CHP1: variants seen among roughly 807,000 people sequenced by gnomAD.
CHP1 encodes the protein calcineurin B homologous protein 1.
In CHP1, 11 loss-of-function variants were observed where a neutral mutation model predicts 27.4. The observed-to-expected ratio is 0.40, with a 90% CI of 0.25 to 0.67. CHP1 has a LOEUF of 0.67. Ranked by LOEUF, CHP1 falls within the 30% of genes least tolerant of loss-of-function variation. The pLI is 0.38. For synonymous variants in CHP1, 89 were observed against 87.4 expected (o/e 1.02, Z -0.10); for missense variants, 169 against 251.3 (o/e 0.67, Z 2.22).
intron 2 of CHP1, 88 bp from the exon 3 acceptor site, chr15:41,256,822 G>T: frequency 9.8e-7 from 1 of 1,020,090 alleles, no homozygotes; most frequent in Non-Finnish European, 1.6e-6. Flanking sequence ...TAATATTCTT[G>T]CTAGGTTACA....
intron 1 of CHP1, among the ~76,000 whole-genome samples, chr15:41,232,414 T>A (rs979729665): frequency 1.3e-5 from 2 of 152,154 alleles, no homozygotes; most frequent in East Asian, 3.9e-4. Flanking sequence ...TTTCACTATG[T>A]TGGCCCGGCT....
Position 41,245,942 on chromosome 15 carries a change from A to G in CHP1, c.140+2203A>G, listed in dbSNP as rs189825785. Among the ~76,000 whole-genome samples, 595 of 152,234 alleles carry G rather than the reference A, an allele frequency of 3.9e-3. 4 individuals are homozygous for G. Among genetic ancestry groups the G allele is most frequent in the South Asian group, 0.022 (108 of 4,824 alleles). On this transcript the variant is annotated intron_variant, in intron 2 of 6. Transcript: ENST00000334660. ...TAAGGGCTTTATGGTTTTAGTTCTTATATTAAGGTCTTTTGATTTATTTTG... is the reference window on the plus strand; with the variant it reads ...TAAGGGCTTTATGGTTTTAGTTCTTGTATTAAGGTCTTTTGATTTATTTTG...
chr15:41,267,062 G>A (rs1344305036), intron 4 of CHP1, among the ~76,000 whole-genome samples: 1 of 152,050 alleles, frequency 6.6e-6, no homozygotes, highest in Non-Finnish European at 1.5e-5. Flanking sequence ...ACATTATGCT[G>A]AGTGAAATAA....
chr15:41,232,367 C>T (rs773386159), intron 1 of CHP1, among the ~76,000 whole-genome samples: 3 of 151,962 alleles, frequency 2.0e-5, no homozygotes, highest in African/African-American at 4.8e-5. Context: ...CCTGCCACCA[C>T]GCTTGGCTAA....
At chr15:41,267,563 G>A (rs969631479) in intron 4 of CHP1, among the ~76,000 whole-genome samples, 1 of 151,730 alleles carries the variant, frequency 6.6e-6, no homozygotes, top group Admixed American at 6.6e-5. Flanking sequence ...TCAGGAGGCT[G>A]AGACAGGAAA....
intron 5 of CHP1, among the ~76,000 whole-genome samples, chr15:41,275,566 A>C (rs2047515226): frequency 1.3e-5 from 2 of 151,924 alleles, no homozygotes; most frequent in Admixed American, 6.6e-5. Context: ...CTATTGATGG[A>C]TTGGTTGATT....
chr15:41,279,649 T>G lies in CHP1; in HGVS notation c.*260T>G, dbSNP rs1295287465. 16 of 407,726 alleles carry G rather than the reference T, an allele frequency of 3.9e-5. No individual in the cohort carries two copies. In the Admixed American group the frequency reaches 5.4e-4, roughly 14 times the overall value. The allele number at this position is 407,726 out of a possible 1,614,324, so 25.3% of individuals were successfully genotyped here. On this transcript the variant is annotated 3_prime_UTR_variant, in exon 7 of 7. Transcript: ENST00000334660. ...TTTATAAATATCATCTTCCCCATTC[T>G]GCTGCTGAATGCCACACATCCATCC...
At chr15:41,258,958 A>G (rs541148659) in intron 3 of CHP1, among the ~76,000 whole-genome samples, 4 of 152,346 alleles carry the variant, frequency 2.6e-5, no homozygotes, top group African/African-American at 9.6e-5. Context: ...AGTGAAAGTC[A>G]GAAGGGGAAT....
At chr15:41,250,383 T>G (rs1396512166) in intron 2 of CHP1, among the ~76,000 whole-genome samples, 1 of 152,080 alleles carries the variant, frequency 6.6e-6, no homozygotes, top group Non-Finnish European at 1.5e-5. Context: ...ATTTCTACCA[T>G]TGCCATAGAG....
chr15:41,238,684 C>CAA (rs770298183), intron 1 of CHP1, among the ~76,000 whole-genome samples: 30 of 123,704 alleles, frequency 2.4e-4, no homozygotes, highest in South Asian at 1.8e-3. Flanking sequence ...ACTAAAAATA[C>CAA]AAAAAAAAAA....
At chr15:41,235,361 A>C (rs2140920444) in intron 1 of CHP1, among the ~76,000 whole-genome samples, 1 of 152,270 alleles carries the variant, frequency 6.6e-6, no homozygotes, top group Non-Finnish European at 1.5e-5. Flanking sequence ...CTACAAAAAA[A>C]TAAATTTAAA....
At chr15:41,268,442 C>T (rs761720483) in intron 4 of CHP1, among the ~76,000 whole-genome samples, 1 of 151,942 alleles carries the variant, frequency 6.6e-6, no homozygotes, top group South Asian at 2.1e-4. Flanking sequence ...GTCAAGAGAT[C>T]GAGACCATCC....
rs1331605062 is a variant in CHP1, at chr15:41,262,002, A to T, written c.222-754A>T. On this transcript the variant is annotated intron_variant, in intron 3 of 6. Transcript: ENST00000334660. ...AGCAAAACTCCATCTCAAAAAAAAA[A>T]AAAAAAAATACAAAAAATTAGCCGG... Among the ~76,000 whole-genome samples the T allele has an allele frequency of 2.0e-5, 3 of 148,264 alleles. No individual in the cohort carries two copies. In the East Asian group the frequency reaches 6.0e-4, roughly 29 times the overall value.
chr15:41,276,030 C>T (rs1470053011), intron 5 of CHP1, among the ~76,000 whole-genome samples: 1 of 152,076 alleles, frequency 6.6e-6, no homozygotes, highest in African/African-American at 2.4e-5. Flanking sequence ...CACCTGAGGT[C>T]GGGAGTTCGA....
intron 3 of CHP1, among the ~76,000 whole-genome samples, chr15:41,259,055 C>T (rs1324088408): frequency 6.6e-6 from 1 of 152,092 alleles, no homozygotes; most frequent in Non-Finnish European, 1.5e-5. Context: ...TTTTTCCTTT[C>T]TCTCTCCTTG....
chr15:41,245,794 A>C (rs1297735555), intron 2 of CHP1, among the ~76,000 whole-genome samples: 2 of 152,172 alleles, frequency 1.3e-5, no homozygotes, highest in East Asian at 3.8e-4. Flanking sequence ...AAAGCACAAA[A>C]GTTTTTAATT....
chr15:41,262,940 T>C (rs530151981), intron 4 of CHP1, 57 bp downstream of exon 4: 1 of 1,598,626 alleles, frequency 6.3e-7, no homozygotes, highest in African/African-American at 1.3e-5. Flanking sequence ...TTAAAAGTCA[T>C]GTATTTACTC....
At chr15:41,269,596 A>C (rs77709104) in intron 4 of CHP1, among the ~76,000 whole-genome samples, 1,822 of 152,174 alleles carry the variant, frequency 0.012, 24 homozygotes, top group African/African-American at 0.031. Context: ...CATTTTGGAT[A>C]TGTTGTAGTG....
chr15:41,232,246 T>C (rs2047251364), intron 1 of CHP1, among the ~76,000 whole-genome samples: 2 of 150,438 alleles, frequency 1.3e-5, no homozygotes, highest in Non-Finnish European at 3.0e-5. Flanking sequence ...AGTCTCCCTC[T>C]GTCAACCAGG....
Sources: allele counts gnomAD v4.1 joint callset (sites outside exome capture counted in the v4.1 genomes callset), GRCh38; gene constraint gnomAD v4.1.1; transcripts MANE v1.5; gene names NCBI Gene and HGNC (gene_info 2026-07-23, HGNC 2026-07-21).